Variants in GRM8 observed in about 807,000 individuals in gnomAD.
The protein encoded by GRM8 is metabotropic glutamate receptor 8.
A neutral mutation model predicts 87.2 loss-of-function variants in GRM8; 47 were observed. That is an observed-to-expected ratio of 0.54 (90% CI 0.43 to 0.69). The LOEUF (loss-of-function observed/expected upper bound fraction) is 0.69. Among genes scored for constraint, GRM8 ranks in the 30% least tolerant of loss-of-function variants. GRM8 has a pLI of 0.00. For missense variants in GRM8, 1,019 were observed against 1,139.2 expected, an observed-to-expected ratio of 0.89 and a Z score of 1.52; for synonymous variants, 396 against 404.5, an observed-to-expected ratio of 0.98 and a Z score of 0.25.
chr7:126,899,943 A>T (rs1420290205), intron 6 of GRM8, among the ~76,000 whole-genome samples: 1 of 152,054 alleles, frequency 6.6e-6, no homozygotes, highest in Non-Finnish European at 1.5e-5. Context: ...AAGTCCCTGC[A>T]GCACTGAAAC....
intron 3 of GRM8, among the ~76,000 whole-genome samples, chr7:127,031,777 C>G (rs547595536): frequency 1.3e-5 from 2 of 152,102 alleles, no homozygotes; most frequent in African/African-American, 4.8e-5. Context: ...ATCTTTGTAC[C>G]TTTGTTGAAA....
intron 3 of GRM8, among the ~76,000 whole-genome samples, chr7:127,008,771 T>A (rs1156635093): frequency 6.6e-6 from 1 of 152,102 alleles, no homozygotes; most frequent in Non-Finnish European, 1.5e-5. Flanking sequence ...TCATTGGTCA[T>A]GACAGTATAT....
intron 8 of GRM8, among the ~76,000 whole-genome samples, chr7:126,549,905 T>C (rs1029341409): frequency 4.6e-5 from 7 of 152,042 alleles, no homozygotes; most frequent in African/African-American, 1.7e-4. Flanking sequence ...TAAAACAGGA[T>C]TACATTATCA....
intron 2 of GRM8, among the ~76,000 whole-genome samples, chr7:127,165,181 T>C (rs1428582399): frequency 5.4e-5 from 5 of 92,184 alleles, no homozygotes; most frequent in African/African-American, 2.5e-4. Context: ...TATATATATA[T>C]ATATATATAT....
intron 3 of GRM8, among the ~76,000 whole-genome samples, chr7:126,932,851 G>A (rs73228945): frequency 1.3e-5 from 2 of 152,228 alleles, no homozygotes; most frequent in Non-Finnish European, 2.9e-5. Flanking sequence ...GATTGTGGAG[G>A]CAAGAAAGAG....
intron 2 of GRM8, among the ~76,000 whole-genome samples, chr7:127,225,974 T>A (rs1240908221): frequency 2.0e-5 from 3 of 152,182 alleles, no homozygotes; most frequent in African/African-American, 7.2e-5. Flanking sequence ...TGGGAAGGTA[T>A]TTGTACACGT....
chr7:126,842,184 G>C (rs777661085), intron 6 of GRM8, among the ~76,000 whole-genome samples: 1 of 152,160 alleles, frequency 6.6e-6, no homozygotes, highest in Non-Finnish European at 1.5e-5. Flanking sequence ...AATAGCAAGA[G>C]AAAAATACAA....
At chr7:126,957,453 C>T (rs2131649866) in intron 3 of GRM8, among the ~76,000 whole-genome samples, 1 of 152,288 alleles carries the variant, frequency 6.6e-6, no homozygotes, top group Middle Eastern at 3.4e-3. Flanking sequence ...GCTGCAGCTC[C>T]AGACTGGGCA....
At chr7:126,480,693 T>C (rs62479313) in intron 9 of GRM8, among the ~76,000 whole-genome samples, 48,243 of 152,004 alleles carry the variant, frequency 0.32, 8,028 homozygotes, top group South Asian at 0.45. Flanking sequence ...ACGCAAGGGC[T>C]TTCAACATAT....
At chr7:127,147,436 T>C (rs1828613831) in intron 2 of GRM8, among the ~76,000 whole-genome samples, 1 of 152,104 alleles carries the variant, frequency 6.6e-6, no homozygotes, top group Non-Finnish European at 1.5e-5. Flanking sequence ...TAATGCTCTC[T>C]GCAAGCTTGG....
At position 126,532,947 on chromosome 7, in the gene GRM8, C is replaced by T; in HGVS notation, c.2430+5G>A. 6.3e-7 allele frequency: 1 copy of T among 1,581,746 alleles called. No homozygotes were observed. The highest frequency in any genetic ancestry group is 8.6e-7 in the Non-Finnish European group (1 of 1,158,446). On this transcript the variant is annotated splice_donor_5th_base_variant and intron_variant, in intron 9 of 10. Coordinates refer to ENST00000339582, the MANE Select transcript of GRM8 (RefSeq NM_000845.3). Reference sequence around the variant, plus strand: ...AAGTTGTCAAGTGTATTTCCTTCTACTTACCTTTTCTGCTGACTGGGCTGT... The same window carrying T: ...AAGTTGTCAAGTGTATTTCCTTCTATTTACCTTTTCTGCTGACTGGGCTGT...
chr7:126,829,398 C>T (rs1401165493), intron 6 of GRM8, among the ~76,000 whole-genome samples: 35 of 131,862 alleles, frequency 2.7e-4, no homozygotes, highest in Non-Finnish European at 4.7e-4. Flanking sequence ...GTATTGGGTG[C>T]ATATATATTT....
At chr7:126,728,115 C>A (rs1813209819) in intron 7 of GRM8, among the ~76,000 whole-genome samples, 1 of 152,126 alleles carries the variant, frequency 6.6e-6, no homozygotes, top group South Asian at 2.1e-4. Context: ...GCTTTAAAGG[C>A]AGCATGAGTA....
At chr7:126,924,466 C>T (rs1415549148) in intron 3 of GRM8, among the ~76,000 whole-genome samples, 3 of 152,204 alleles carry the variant, frequency 2.0e-5, no homozygotes, top group Non-Finnish European at 4.4e-5. Context: ...GATACAGTAA[C>T]TCGTGCAACA....
chr7:126,467,106 T>C (rs1804587039), intron 9 of GRM8, among the ~76,000 whole-genome samples: 1 of 151,994 alleles, frequency 6.6e-6, no homozygotes. Context: ...CAACCCATCA[T>C]CTACATTAAG....
intron 6 of GRM8, among the ~76,000 whole-genome samples, chr7:126,814,486 C>A (rs150353359): frequency 4.7e-4 from 71 of 152,126 alleles, no homozygotes; most frequent in Non-Finnish European, 7.4e-4. Context: ...AAACAGAATT[C>A]TTAGAGATAT....
chr7:126,839,285 C>T (rs979973317), intron 6 of GRM8, among the ~76,000 whole-genome samples: 2 of 152,168 alleles, frequency 1.3e-5, no homozygotes, highest in East Asian at 1.9e-4. Context: ...ACAACATCAC[C>T]TGAGAGCTTG....
At chr7:126,469,261 T>C (rs761911823) in intron 9 of GRM8, among the ~76,000 whole-genome samples, 3 of 152,188 alleles carry the variant, frequency 2.0e-5, no homozygotes, top group Non-Finnish European at 4.4e-5. Context: ...TTCACCATTC[T>C]ACAGTAAAAT....
In GRM8 at chr7:127,013,834, T is replaced by A. The variant is rs546106104; in HGVS notation, c.727+92662A>T. ...AATCCTCTCTTCATGGAGCTTATAGTCCAGCTGCAAGTTCAGCAACATGCA... is the reference window on the plus strand; with the variant it reads ...AATCCTCTCTTCATGGAGCTTATAGACCAGCTGCAAGTTCAGCAACATGCA... On this transcript the variant is annotated intron_variant, in intron 3 of 10. Coordinates refer to ENST00000339582, the MANE Select transcript of GRM8 (RefSeq NM_000845.3). Among the ~76,000 whole-genome samples, 5 of 152,250 alleles carry A rather than the reference T, an allele frequency of 3.3e-5. No homozygotes were observed. In the East Asian group the frequency reaches 7.7e-4, roughly 24 times the overall value.
Sources: allele counts gnomAD v4.1 joint callset (sites outside exome capture counted in the v4.1 genomes callset), GRCh38; gene constraint gnomAD v4.1.1; transcripts MANE v1.5; gene names NCBI Gene and HGNC (gene_info 2026-07-23, HGNC 2026-07-21).